Variants in TACR3 observed in about 807,000 individuals in gnomAD.
TACR3 encodes the protein tachykinin receptor 3, also known as neuromedin-K receptor.
TACR3 carries 34 observed loss-of-function variants against 35.0 expected under a neutral mutation model. The ratio of observed to expected loss-of-function variants is 0.97; its 90% CI spans 0.74 to 1.30. The LOEUF (loss-of-function observed/expected upper bound fraction) is 1.30. TACR3 is among the 50% of genes most tolerant of loss of function. TACR3 has a pLI of 0.00. For synonymous variants in TACR3, 233 were observed against 221.1 expected (o/e 1.05, Z -0.48); for missense variants, 558 against 591.7 (o/e 0.94, Z 0.59).
chr4:103,629,890 C>A lies in TACR3; in HGVS notation c.888+26304G>T, dbSNP rs149135129. Among the ~76,000 whole-genome samples the A allele has an allele frequency of 8.5e-4, 88 of 103,836 alleles. 1 individual carries two copies. The highest frequency in any genetic ancestry group is 1.6e-3 in the African/African-American group (42 of 26,460). 68.1% of individuals were successfully genotyped at this position (103,836 alleles called of 152,430 possible). A position where few individuals can be genotyped will look rare whatever the true frequency, so the allele number is the denominator to read the frequency against. On this transcript the variant is annotated intron_variant, in intron 3 of 4. Transcript: ENST00000304883. ...AAAAAAACAAAAAAAACAACAACAA[C>A]AACAAAAAAAAACAAAGCTGGAGGC...
chr4:103,619,014 C>CTCT (rs1179458309), intron 3 of TACR3, among the ~76,000 whole-genome samples: 3 of 152,106 alleles, frequency 2.0e-5, no homozygotes, highest in Non-Finnish European at 4.4e-5. Flanking sequence ...GGATATTTCA[C>CTCT]GTAGAGAATA....
At chr4:103,651,941 T>C (rs770391442) in intron 3 of TACR3, among the ~76,000 whole-genome samples, 2 of 152,036 alleles carry the variant, frequency 1.3e-5, no homozygotes, top group South Asian at 2.1e-4. Flanking sequence ...CCCTATCTTA[T>C]TGTGGCTGAG....
chr4:103,608,253 G>C (rs780893759), intron 3 of TACR3, among the ~76,000 whole-genome samples: 56 of 152,124 alleles, frequency 3.7e-4, no homozygotes, highest in Non-Finnish European at 6.6e-4. Context: ...CATGTCCTTT[G>C]CAGCAACATG....
At chr4:103,602,401 C>T (rs1724229790) in intron 3 of TACR3, among the ~76,000 whole-genome samples, 1 of 152,166 alleles carries the variant, frequency 6.6e-6, no homozygotes, top group Non-Finnish European at 1.5e-5. Flanking sequence ...AGTCATTCTC[C>T]ATCCAGCTGT....
chr4:103,692,913 G>A (rs1199947428), intron 1 of TACR3, among the ~76,000 whole-genome samples: 2 of 152,126 alleles, frequency 1.3e-5, no homozygotes, highest in Non-Finnish European at 2.9e-5. Context: ...GAATATTCAG[G>A]TTATTGTACA....
At position 103,658,384 on chromosome 4, in the gene TACR3, G is replaced by C. The variant is rs202139429; in HGVS notation, c.568C>G (p.Pro190Ala). 96 of 1,613,406 alleles carry C rather than the reference G, an allele frequency of 6.0e-5. No homozygotes were observed. The highest frequency in any genetic ancestry group is 7.7e-5 in the Non-Finnish European group (91 of 1,179,776). ...AVDRYMAIID[P>A]LKPRLSATAT... ...GTAGCAGACAGTCTGGGTTTCAAGG[G>C]ATCAATAATAGCCATATACCTATAT... The change falls in exon 2 of 5, where the codon CCC (proline) becomes GCC (alanine). Residue 190 changes from proline to alanine, a missense_variant. Pro to Ala is a conservative substitution (Grantham distance 27). Transcript: ENST00000304883.
rs561911704 is a variant in TACR3, at chr4:103,665,229, CAT to C, written c.549-6828_549-6827del. Among the ~76,000 whole-genome samples the C allele has an allele frequency of 4.7e-3, 661 of 140,268 alleles. 2 individuals are homozygous for C. The highest frequency in any genetic ancestry group is 8.3e-3 in the Non-Finnish European group (511 of 61,388). 92.0% of individuals were successfully genotyped at this position (140,268 alleles called of 152,430 possible). A position where few individuals can be genotyped will look rare whatever the true frequency, so the allele number is the denominator to read the frequency against. On this transcript the variant is annotated intron_variant, in intron 1 of 4. Transcript: ENST00000304883. The stretch of plus-strand genomic sequence containing the variant: ...TTAAAATAATCTATATTTGCTGACT[CAT>C]GTATGACTCATATATGACTATGACT...
At chr4:103,716,750 C>T (rs763063191) in intron 1 of TACR3, among the ~76,000 whole-genome samples, 3 of 151,974 alleles carry the variant, frequency 2.0e-5, no homozygotes, top group African/African-American at 4.8e-5. Flanking sequence ...AGGAACAAAG[C>T]GAATTGAATA....
rs1044531754 is a variant in TACR3 at position 103,719,581 on chromosome 4, G to A, written c.95C>T (p.Ala32Val). The change falls in exon 1 of 5, where the codon GCG (alanine) becomes GTG (valine). Residue 32 changes from alanine (A) to valine (V), a missense_variant. By Grantham distance (64) the Ala-to-Val change is moderately conservative. Coordinates refer to ENST00000304883, the MANE Select transcript of TACR3 (RefSeq NM_001059.3). ...CCCAGTCTCAACTGCCCCCGTGGCC[G>A]CCCCGGCAGCTAGCGAGGCGGTCAG... ...VNLTASLAAG[A>V]ATGAVETGWL... 6.2e-7 allele frequency: 1 copy of A among 1,610,228 alleles called. No homozygotes were observed. Among genetic ancestry groups the A allele is most frequent in the African/African-American group, 1.3e-5 (1 of 74,858 alleles).
At chr4:103,601,392 G>T (rs183533611) in intron 3 of TACR3, among the ~76,000 whole-genome samples, 3 of 152,104 alleles carry the variant, frequency 2.0e-5, no homozygotes, top group African/African-American at 7.2e-5. Flanking sequence ...TACATTTAAA[G>T]TTAATATTAT....
intron 3 of TACR3, among the ~76,000 whole-genome samples, chr4:103,640,575 A>G (rs1725333063): frequency 6.6e-6 from 1 of 151,904 alleles, no homozygotes; most frequent in African/African-American, 2.4e-5. Context: ...CTAACCTCTT[A>G]TAAGATGTAT....
intron 1 of TACR3, among the ~76,000 whole-genome samples, chr4:103,666,755 CT>C (rs1449915372): frequency 6.6e-6 from 1 of 152,126 alleles, no homozygotes; most frequent in African/African-American, 2.4e-5. Context: ...TTTTTTGCTA[CT>C]TATACTATCT....
chr4:103,709,847 G>A (rs1033148434), intron 1 of TACR3, among the ~76,000 whole-genome samples: 5 of 151,898 alleles, frequency 3.3e-5, no homozygotes, highest in African/African-American at 7.3e-5. Context: ...AAAAAATGCA[G>A]GGGTTGCAAT....
intron 1 of TACR3, among the ~76,000 whole-genome samples, chr4:103,686,997 A>G (rs1444903075): frequency 2.0e-5 from 3 of 152,312 alleles, no homozygotes; most frequent in South Asian, 2.1e-4. Context: ...AAAATCCTCA[A>G]TAAAATACTG....
chr4:103,635,789 TTTTA>T (rs1179512037), intron 3 of TACR3, among the ~76,000 whole-genome samples: 1 of 146,752 alleles, frequency 6.8e-6, no homozygotes, highest in African/African-American at 2.6e-5. Flanking sequence ...GCTCTTATTA[TTTTA>T]TGAATAAGTT....
At chr4:103,637,432 C>T (rs1474500254) in intron 3 of TACR3, among the ~76,000 whole-genome samples, 10 of 152,012 alleles carry the variant, frequency 6.6e-5, no homozygotes, top group African/African-American at 1.9e-4. Context: ...ATTGATGGGA[C>T]GTATCTCAAA....
chr4:103,653,345 T>C (rs1725665126), intron 3 of TACR3, among the ~76,000 whole-genome samples: 1 of 152,098 alleles, frequency 6.6e-6, no homozygotes, highest in Non-Finnish European at 1.5e-5. Context: ...TTTTGTTCCC[T>C]CTGGGACTCT....
intron 3 of TACR3, among the ~76,000 whole-genome samples, chr4:103,614,891 T>TG (rs1724604240): frequency 9.1e-6 from 1 of 109,666 alleles, no homozygotes; most frequent in African/African-American, 3.6e-5. Context: ...TGTGTTTTTT[T>TG]TTTTTTTTTT....
chr4:103,633,099 A>G (rs1725104608), intron 3 of TACR3, among the ~76,000 whole-genome samples: 1 of 151,998 alleles, frequency 6.6e-6, no homozygotes, highest in Non-Finnish European at 1.5e-5. Flanking sequence ...CCTAGACCTT[A>G]GTGTTAGACT....
Sources: allele counts gnomAD v4.1 joint callset (sites outside exome capture counted in the v4.1 genomes callset), GRCh38; gene constraint gnomAD v4.1.1; transcripts MANE v1.5; gene names NCBI Gene and HGNC (gene_info 2026-07-23, HGNC 2026-07-21).